Variants in KIF16B observed in about 807,000 individuals in gnomAD.
KIF16B encodes the protein kinesin family member 16B, also known as kinesin-like protein KIF16B.
KIF16B carries 98 observed loss-of-function variants against 156.3 expected under a neutral mutation model. The observed-to-expected ratio is 0.63, with a 90% CI of 0.53 to 0.74. The LOEUF (loss-of-function observed/expected upper bound fraction) is 0.74, where lower values mean the gene tolerates loss of function less well. KIF16B is among the 30% of genes least tolerant of loss of function. KIF16B has a pLI of 0.00. For missense variants in KIF16B, 1,421 were observed against 1,606.5 expected (o/e 0.88, Z 1.97); for synonymous variants, 564 against 583.7 (o/e 0.97, Z 0.49).
intron 1 of KIF16B, among the ~76,000 whole-genome samples, chr20:16,550,339 C>T (rs970463355): frequency 6.6e-6 from 1 of 151,570 alleles, no homozygotes; most frequent in African/African-American, 2.4e-5. Flanking sequence ...ATTAAAAAGT[C>T]AGGAAACAAC....
At position 16,406,357 on chromosome 20, in the gene KIF16B, G is replaced by GA. The variant is rs1309320867; in HGVS notation, c.1695+16dup. On this transcript the variant is annotated intron_variant, in intron 16 of 25. Coordinates refer to ENST00000354981, the MANE Select transcript of KIF16B (RefSeq NM_024704.5). ...ATACGATCAGTGGTTCCCTCCTAGA[G>GA]ACGCCGTGTCCCTCACCTTCCTCTT... The GA allele has an allele frequency of 2.5e-6, 4 of 1,610,260 alleles. No individual in the cohort carries two copies. The African/African-American group carries it at 5.4e-5, about 22-fold the overall frequency.
At chr20:16,489,049 A>G (rs918183686) in intron 12 of KIF16B, among the ~76,000 whole-genome samples, 9 of 152,238 alleles carry the variant, frequency 5.9e-5, no homozygotes, top group African/African-American at 2.2e-4. Flanking sequence ...GAACAGCTGG[A>G]AAGCCATTAG....
intron 22 of KIF16B, chr20:16,367,241 G>A (rs762145741): frequency 6.2e-7 from 1 of 1,612,884 alleles, no homozygotes; most frequent in Non-Finnish European, 8.5e-7. Flanking sequence ...TGACTGCCTT[G>A]AAGATACAAT....
chr20:16,308,660 A>G (rs1345865455), intron 25 of KIF16B, among the ~76,000 whole-genome samples: 1 of 152,260 alleles, frequency 6.6e-6, no homozygotes, highest in African/African-American at 2.4e-5. Flanking sequence ...GTATGACAGG[A>G]TATCATAAGC....
chr20:16,400,561 C>T (rs2065626954), intron 17 of KIF16B, among the ~76,000 whole-genome samples: 1 of 152,200 alleles, frequency 6.6e-6, no homozygotes, highest in Admixed American at 6.5e-5. Flanking sequence ...GTTGGACACC[C>T]ATGTTCATAG....
At chr20:16,352,450 T>G (rs1053882980) in intron 23 of KIF16B, among the ~76,000 whole-genome samples, 1 of 152,196 alleles carries the variant, frequency 6.6e-6, no homozygotes, top group Non-Finnish European at 1.5e-5. Context: ...TTATTCTCAT[T>G]TTAAAGACCA....
chr20:16,445,689 A>G (rs1378467585), intron 12 of KIF16B, among the ~76,000 whole-genome samples: 1 of 152,082 alleles, frequency 6.6e-6, no homozygotes, highest in African/African-American at 2.4e-5. Flanking sequence ...TTTTTACAGA[A>G]CCAACGAGGT....
Position 16,281,409 on chromosome 20 carries a change from C to T in KIF16B, c.3796-7998G>A, listed in dbSNP as rs111950118. Among the ~76,000 whole-genome samples the T allele has an allele frequency of 4.1e-4, 62 of 152,186 alleles. 2 individuals carry two copies. Among genetic ancestry groups the T allele is most frequent in the African/African-American group, 1.4e-3 (59 of 41,512 alleles). On this transcript the variant is annotated intron_variant, in intron 25 of 25. Transcript: ENST00000354981. ...TGATGGGCCCTGAAGATGGATCAGG[C>T]CTGAATGGAGCTACTCAGGGATGTT...
At chr20:16,284,237 T>C (rs1293348298) in intron 25 of KIF16B, among the ~76,000 whole-genome samples, 1 of 152,170 alleles carries the variant, frequency 6.6e-6, no homozygotes, top group Non-Finnish European at 1.5e-5. Flanking sequence ...AATCTAAAAC[T>C]GTAAGGACCT....
At chr20:16,382,149 GA>G in intron 17 of KIF16B, 1 of 1,335,742 alleles carries the variant, frequency 7.5e-7, no homozygotes, top group South Asian at 1.2e-5. Flanking sequence ...GAGGTGGAGA[GA>G]GAGAGAGAAA....
At chr20:16,382,337 T>C (rs182428535) in intron 17 of KIF16B, among the ~76,000 whole-genome samples, 3 of 152,320 alleles carry the variant, frequency 2.0e-5, no homozygotes, top group African/African-American at 7.2e-5. Flanking sequence ...AGCTCTGTTA[T>C]GTTTTACACT....
intron 13 of KIF16B, among the ~76,000 whole-genome samples, chr20:16,429,371 T>C (rs112336801): frequency 6.6e-6 from 1 of 152,188 alleles, no homozygotes; most frequent in Non-Finnish European, 1.5e-5. Context: ...ATTCTCATTG[T>C]TAAGTTATGG....
At chr20:16,297,483 G>C (rs916618549) in intron 25 of KIF16B, among the ~76,000 whole-genome samples, 2 of 152,058 alleles carry the variant, frequency 1.3e-5, no homozygotes, top group Non-Finnish European at 2.9e-5. Context: ...ACGAGGTCAG[G>C]AGATCAAGAC....
At chr20:16,303,941 G>A (rs1183039434) in intron 25 of KIF16B, among the ~76,000 whole-genome samples, 3 of 152,086 alleles carry the variant, frequency 2.0e-5, no homozygotes, top group Non-Finnish European at 4.4e-5. Flanking sequence ...CTAAAAACAC[G>A]ATCAGTAAAG....
At chr20:16,325,498 T>C (rs1475780504) in intron 24 of KIF16B, among the ~76,000 whole-genome samples, 1 of 151,246 alleles carries the variant, frequency 6.6e-6, no homozygotes, top group African/African-American at 2.4e-5. Context: ...AGTGCTGCTA[T>C]ATACCAACAG....
intron 24 of KIF16B, among the ~76,000 whole-genome samples, chr20:16,318,507 C>T (rs373835926): frequency 1.7e-4 from 26 of 152,118 alleles, no homozygotes; most frequent in East Asian, 1.3e-3. Flanking sequence ...CAACCTATGG[C>T]GCCAGAAAGC....
chr20:16,415,037 G>C (rs1180202631), intron 15 of KIF16B, among the ~76,000 whole-genome samples: 2 of 152,092 alleles, frequency 1.3e-5, no homozygotes, highest in African/African-American at 4.8e-5. Context: ...CTTCAACTTA[G>C]GATATTTTCA....
intron 1 of KIF16B, among the ~76,000 whole-genome samples, chr20:16,549,152 C>G (rs1031800352): frequency 4.0e-5 from 6 of 149,874 alleles, no homozygotes; most frequent in Non-Finnish European, 7.4e-5. Context: ...AACTCGTCAT[C>G]TAGCATTAGG....
chr20:16,545,177 G>A (rs1001437408), intron 1 of KIF16B, among the ~76,000 whole-genome samples: 15 of 152,062 alleles, frequency 9.9e-5, no homozygotes, highest in Admixed American at 6.6e-4. Flanking sequence ...GGCTGTGCAC[G>A]TGGCCAAACT....
Sources: allele counts gnomAD v4.1 joint callset (sites outside exome capture counted in the v4.1 genomes callset), GRCh38; gene constraint gnomAD v4.1.1; transcripts MANE v1.5; gene names NCBI Gene and HGNC (gene_info 2026-07-23, HGNC 2026-07-21).